MGAT5B: variants seen among roughly 807,000 people sequenced by gnomAD.
MGAT5B encodes the protein N-acetylglucosaminyl-transferase Vb.
MGAT5B carries 54 observed loss-of-function variants against 95.1 expected under a neutral mutation model. The observed-to-expected ratio is 0.57, with a 90% CI of 0.46 to 0.71. The LOEUF is 0.71. Among genes scored for constraint, MGAT5B ranks in the 30% least tolerant of loss-of-function variants. The pLI, the probability that MGAT5B is intolerant of heterozygous loss-of-function variation, is 0.00. For synonymous variants in MGAT5B, 464 were observed against 451.0 expected (o/e 1.03, Z -0.36); for missense variants, 935 against 1,088.6 (o/e 0.86, Z 1.99).
intron 2 of MGAT5B, 100 bp from the exon 3 acceptor site, chr17:76,882,051 G>GA: frequency 7.6e-7 from 1 of 1,323,830 alleles, no homozygotes; most frequent in South Asian, 1.5e-5. Context: ...GGTGCTGGGG[G>GA]ACTTTGGGGC....
At chr17:76,900,206 G>A (rs1273373848) in intron 3 of MGAT5B, among the ~76,000 whole-genome samples, 1 of 152,080 alleles carries the variant, frequency 6.6e-6, no homozygotes, top group African/African-American at 2.4e-5. Flanking sequence ...GATGAGTTTT[G>A]GATAGATGAA....
Position 76,869,113 on chromosome 17 carries a change from G to T in MGAT5B, c.68+16G>T. On this transcript the variant is annotated intron_variant, in intron 1 of 17. Transcript: ENST00000569840. This position sits in a 1 kb window ranked among gnomAD's most constrained non-coding sequence, Gnocchi z 7.0. ...GACCCTTTCGGTAAAGTTCCCTCCT[G>T]GTTGGTTTTTTCCCCAGGGGGGCGC... 1.2e-6 allele frequency: 2 copies of T among 1,613,702 alleles called. No homozygotes were observed. Among genetic ancestry groups the T allele is most frequent in the Non-Finnish European group, 1.7e-6 (2 of 1,179,656 alleles).
chr17:76,944,572 C>T lies in MGAT5B; in HGVS notation c.1849-1804C>T, dbSNP rs374770599. On this transcript the variant is annotated intron_variant, in intron 15 of 17. Coordinates refer to ENST00000569840, the MANE Select transcript of MGAT5B (RefSeq NM_001199172.2). ...GCTCGGGAATGAGAGCAGGTCGGGA[C>T]AGGGCTGTGCAGAGCACGGGGCTTC... Among the ~76,000 whole-genome samples the T allele has an allele frequency of 1.0e-3, 153 of 152,242 alleles. 3 individuals carry two copies. The East Asian group carries it at 0.026, about 26-fold the overall frequency.
intron 8 of MGAT5B, among the ~76,000 whole-genome samples, chr17:76,923,543 A>G (rs1427703378): frequency 6.6e-6 from 1 of 151,992 alleles, no homozygotes; most frequent in East Asian, 1.9e-4. Flanking sequence ...GAGGAAGATG[A>G]AGACAGGGCA....
chr17:76,902,750 G>GGC, intron 4 of MGAT5B, 80 bp downstream of exon 4: 1 of 793,080 alleles, frequency 1.3e-6, no homozygotes, highest in Non-Finnish European at 2.0e-6. Context: ...GGGAGGGTGG[G>GGC]ACACTTGGGG....
At chr17:76,899,068 TGGAGAGGAGCCTCGCTCCAG>T (rs1441591015) in intron 3 of MGAT5B, among the ~76,000 whole-genome samples, 1 of 152,172 alleles carries the variant, frequency 6.6e-6, no homozygotes, top group Non-Finnish European at 1.5e-5. Flanking sequence ...GCAAGACGGA[TGGAGAGGAGCCTCGCTCCAG>T]GGAGAGGTGC....
At chr17:76,897,353 C>T (rs1455435419) in intron 3 of MGAT5B, among the ~76,000 whole-genome samples, 1 of 152,186 alleles carries the variant, frequency 6.6e-6, no homozygotes, top group Non-Finnish European at 1.5e-5. Flanking sequence ...TACTCTTTCC[C>T]AGTTCTGGAG....
In MGAT5B at chr17:76,946,433, G is replaced by A. The variant is rs1318500543; in HGVS notation, c.1906G>A (p.Ala636Thr). The A allele has an allele frequency of 4.2e-5, 67 of 1,598,100 alleles. No individual in the cohort carries two copies. Among genetic ancestry groups the A allele is most frequent in the African/African-American group, 6.7e-5 (5 of 74,354 alleles). The change falls in exon 16 of 18, where the codon GCC becomes ACC. Residue 636 changes from alanine (A) to threonine (T), a missense_variant. Around this residue, in one of 4 missense-constraint regions of MGAT5B, gnomAD observed 440 missense variants for 523.6 expected, o/e 0.84. Coordinates refer to ENST00000569840, the MANE Select transcript of MGAT5B (RefSeq NM_001199172.2). ...TCEGMLERIH[A>T]YIQHQDFCRA... ...CGAGGGGATGCTGGAGCGGATCCACGCCTACATCCAGCACCAGGTCAGTGA... is the reference window on the plus strand; with the variant it reads ...CGAGGGGATGCTGGAGCGGATCCACACCTACATCCAGCACCAGGTCAGTGA...
In MGAT5B at chr17:76,884,592, T is replaced by C. The variant is rs1368458742; in HGVS notation, c.329+2294T>C. Reference sequence around the variant, plus strand: ...GGGATTACAGGTGTGTGTGCCACCATGCCCAGCTAATTTTTTTTTTTTTTT... The same window carrying C: ...GGGATTACAGGTGTGTGTGCCACCACGCCCAGCTAATTTTTTTTTTTTTTT... On this transcript the variant is annotated intron_variant, in intron 3 of 17. Transcript: ENST00000569840. 2.1e-5 allele frequency among the ~76,000 whole-genome samples: 3 copies of C among 144,614 alleles called. No individual in the cohort carries two copies. The Admixed American group carries it at 2.1e-4, about 10-fold the overall frequency. The allele number at this position is 144,614 out of a possible 152,430, so 94.9% of individuals were successfully genotyped here. A position where few individuals can be genotyped will look rare whatever the true frequency, so the allele number is the denominator to read the frequency against.
At chr17:76,913,626 G>A (rs1407500276) in intron 8 of MGAT5B, 4 of 480,524 alleles carry the variant, frequency 8.3e-6, no homozygotes, top group Non-Finnish European at 1.7e-5. Flanking sequence ...AGGCTTGAGG[G>A]GCACAGACTT....
chr17:76,890,434 TA>T (rs1194029781), intron 3 of MGAT5B, among the ~76,000 whole-genome samples: 1 of 152,194 alleles, frequency 6.6e-6, no homozygotes, highest in Non-Finnish European at 1.5e-5. Context: ...TAACTACCTA[TA>T]GGTCTCTTAG....
At chr17:76,943,633 G>T (rs1284791986) in intron 15 of MGAT5B, among the ~76,000 whole-genome samples, 1 of 145,478 alleles carries the variant, frequency 6.9e-6, no homozygotes, top group Non-Finnish European at 1.5e-5. Context: ...TGGGGGGGGG[G>T]TCTCATTTTG....
rs1969741665 is a variant in MGAT5B at position 76,938,294 on chromosome 17, C to T, written c.1584+151C>T. Reference sequence around the variant, plus strand: ...CCTGAGCCCCACATCTGGCCAGAGCCCAGGGGCAGAGATGTGGGTGCCCAC... The same window carrying T: ...CCTGAGCCCCACATCTGGCCAGAGCTCAGGGGCAGAGATGTGGGTGCCCAC... On this transcript the variant is annotated intron_variant, in intron 13 of 17. Transcript: ENST00000569840. This position sits in a 1 kb window ranked among gnomAD's most constrained non-coding sequence, Gnocchi z 4.3. 9.0e-7 allele frequency: 1 copy of T among 1,107,702 alleles called. No individual in the cohort carries two copies. The highest frequency in any genetic ancestry group is 1.5e-5 in the South Asian group (1 of 64,616). 68.6% of individuals were successfully genotyped at this position (1,107,702 alleles called of 1,614,324 possible).
intron 12 of MGAT5B, 70 bp from the exon 13 acceptor site, chr17:76,937,918 G>A: frequency 1.9e-6 from 3 of 1,568,876 alleles, no homozygotes; most frequent in Middle Eastern, 1.7e-4. Flanking sequence ...CAGACCAAAG[G>A]GATCTCCTCC....
intron 3 of MGAT5B, among the ~76,000 whole-genome samples, chr17:76,884,410 T>G (rs1672349478): frequency 6.6e-6 from 1 of 152,062 alleles, no homozygotes; most frequent in Admixed American, 6.5e-5. Context: ...TTTTTGTCCC[T>G]TTCTAAGAGG....
At chr17:76,880,622 T>G (rs1033736472) in intron 2 of MGAT5B, among the ~76,000 whole-genome samples, 1 of 152,190 alleles carries the variant, frequency 6.6e-6, no homozygotes, top group Non-Finnish European at 1.5e-5. Context: ...GGCCTGTTAT[T>G]CTTGCCTTGA....
chr17:76,913,765 A>G (rs372741202), intron 8 of MGAT5B: 1 of 480,832 alleles, frequency 2.1e-6, no homozygotes, highest in Admixed American at 2.2e-5. Flanking sequence ...CCAGCAACAC[A>G]TTGCTCATTG....
chr17:76,882,085 C>T (rs1003113224), intron 2 of MGAT5B, 66 bp from the exon 3 acceptor site: 3 of 1,525,200 alleles, frequency 2.0e-6, no homozygotes, highest in African/African-American at 2.7e-5. Context: ...GCTGCCCCAG[C>T]TCGGACACCA....
intron 15 of MGAT5B, among the ~76,000 whole-genome samples, chr17:76,942,395 T>TG (rs2145281311): frequency 6.6e-6 from 1 of 152,162 alleles, no homozygotes; most frequent in Admixed American, 6.5e-5. Context: ...TAGACAGGCG[T>TG]GGTGGCACAC....
Sources: allele counts gnomAD v4.1 joint callset (sites outside exome capture counted in the v4.1 genomes callset), GRCh38; gene constraint gnomAD v4.1.1; regional missense constraint gnomAD v4.1.1; non-coding constraint Gnocchi (gnomAD v3.1); transcripts MANE v1.5; gene names NCBI Gene and HGNC (gene_info 2026-07-23, HGNC 2026-07-21).